The following MICU1 variants were observed in gnomAD, a reference collection of about 807,000 sequenced individuals.
MICU1 encodes the protein mitochondrial calcium uptake 1, also known as calcium uptake protein 1, mitochondrial.
A neutral mutation model predicts 56.8 loss-of-function variants in MICU1; 45 were observed. The ratio of observed to expected loss-of-function variants is 0.79; its 90% CI spans 0.62 to 1.02. The LOEUF (loss-of-function observed/expected upper bound fraction) is 1.02, where lower values mean the gene tolerates loss of function less well. MICU1 is among the 50% of genes least tolerant of loss of function. The probability of loss-of-function intolerance (pLI) is 0.00; values close to 1 mark genes in which losing one functional copy is unlikely to be tolerated. For missense variants in MICU1, 504 were observed against 587.1 expected (o/e 0.86, Z 1.46); for synonymous variants, 186 against 195.1 (o/e 0.95, Z 0.39).
At chr10:72,462,995 CAT>C (rs1168893545) in intron 8 of MICU1, among the ~76,000 whole-genome samples, 1 of 151,710 alleles carries the variant, frequency 6.6e-6, no homozygotes, top group East Asian at 1.9e-4. Context: ...GCATCACTAA[CAT>C]ATCATTGACT....
chr10:72,537,395 T>C (rs976891803), intron 4 of MICU1, among the ~76,000 whole-genome samples: 3 of 152,064 alleles, frequency 2.0e-5, no homozygotes, highest in Non-Finnish European at 2.9e-5. Flanking sequence ...GGAGAAAAAA[T>C]AGCATGTGTA....
chr10:72,419,051 A>G (rs1864074842), intron 9 of MICU1, among the ~76,000 whole-genome samples: 1 of 152,186 alleles, frequency 6.6e-6, no homozygotes, highest in Non-Finnish European at 1.5e-5. Context: ...AACTCCTGCC[A>G]ATGCTCAAAT....
intron 3 of MICU1, 148 bp downstream of exon 3, chr10:72,562,747 T>C (rs1204524160): frequency 4.7e-6 from 3 of 641,254 alleles, no homozygotes; most frequent in East Asian, 3.3e-5. Flanking sequence ...CAAGAGTACT[T>C]TTGGCTTAGA....
intron 5 of MICU1, chr10:72,532,946 T>G (rs1189528286): frequency 8.2e-7 from 1 of 1,213,814 alleles, no homozygotes; most frequent in Non-Finnish European, 1.0e-6. Context: ...AAAATCAGTT[T>G]TTACTAACCC....
chr10:72,547,041 G>A (rs1034905419), intron 4 of MICU1, among the ~76,000 whole-genome samples: 87 of 152,066 alleles, frequency 5.7e-4, no homozygotes, highest in African/African-American at 2.0e-3. Flanking sequence ...ACAGGCGCTC[G>A]CCACCATGTC....
intron 3 of MICU1, among the ~76,000 whole-genome samples, chr10:72,554,202 T>C (rs926462524): frequency 3.3e-5 from 5 of 152,208 alleles, no homozygotes; most frequent in African/African-American, 9.6e-5. Context: ...TGTCTGTTTA[T>C]AAAATATTCC....
chr10:72,520,477 A>G (rs1867784680), intron 5 of MICU1, among the ~76,000 whole-genome samples: 1 of 152,148 alleles, frequency 6.6e-6, no homozygotes, highest in Non-Finnish European at 1.5e-5. Flanking sequence ...TTCTGACTCA[A>G]ATTTTCTTCT....
chr10:72,569,233 ATATAT>A (rs1171480668), intron 1 of MICU1, among the ~76,000 whole-genome samples: 3 of 40,338 alleles, frequency 7.4e-5, no homozygotes, highest in Non-Finnish European at 1.0e-4. Context: ...ATATATATAT[ATATAT>A]TTTTTTTTTT....
chr10:72,465,872 T>TCA (rs1430911410), intron 8 of MICU1, among the ~76,000 whole-genome samples: 1 of 152,156 alleles, frequency 6.6e-6, no homozygotes, highest in Non-Finnish European at 1.5e-5. Flanking sequence ...TAAGCACTTA[T>TCA]CACACACTGT....
intron 1 of MICU1, among the ~76,000 whole-genome samples, chr10:72,618,499 C>T (rs950528934): frequency 6.6e-5 from 10 of 151,806 alleles, no homozygotes; most frequent in South Asian, 4.2e-4. Context: ...AAATCAAATT[C>T]GAAGATTGCT....
At chr10:72,539,462 G>A (rs1839714740) in intron 4 of MICU1, among the ~76,000 whole-genome samples, 1 of 151,938 alleles carries the variant, frequency 6.6e-6, no homozygotes, top group African/African-American at 2.4e-5. Context: ...ACAAAGATGT[G>A]GAAATCAAGC....
intron 3 of MICU1, among the ~76,000 whole-genome samples, chr10:72,552,135 AC>A (rs2132446179): frequency 1.3e-5 from 2 of 152,350 alleles, no homozygotes; most frequent in Admixed American, 1.3e-4. Context: ...GTCTGAAGCA[AC>A]AGATTTTTGA....
At chr10:72,460,113 C>G (rs1220528717) in intron 8 of MICU1, among the ~76,000 whole-genome samples, 2 of 152,200 alleles carry the variant, frequency 1.3e-5, no homozygotes, top group Non-Finnish European at 2.9e-5. Context: ...TCACTTTATA[C>G]CTTTCAATGG....
intron 10 of MICU1, among the ~76,000 whole-genome samples, chr10:72,389,802 T>G (rs895346070): frequency 2.0e-5 from 3 of 152,186 alleles, no homozygotes; most frequent in African/African-American, 7.2e-5. Context: ...ACTCTAGAGC[T>G]CCAGCTCAAA....
intron 10 of MICU1, among the ~76,000 whole-genome samples, chr10:72,401,636 A>G (rs1360513591): frequency 6.6e-6 from 1 of 152,242 alleles, no homozygotes; most frequent in Non-Finnish European, 1.5e-5. Context: ...CCTGGGCAAC[A>G]GAGTGAGACC....
At chr10:72,422,415 G>A (rs1864204836) in intron 9 of MICU1, among the ~76,000 whole-genome samples, 1 of 152,224 alleles carries the variant, frequency 6.6e-6, no homozygotes, top group African/African-American at 2.4e-5. Flanking sequence ...AGAAGCCCCA[G>A]TAGGCTAATA....
intron 6 of MICU1, among the ~76,000 whole-genome samples, chr10:72,483,079 C>A (rs1369218880): frequency 6.6e-6 from 1 of 152,064 alleles, no homozygotes; most frequent in African/African-American, 2.4e-5. Flanking sequence ...TGGTCTCGAA[C>A]TCCTGACCTC....
chr10:72,509,157 T>C (rs1421308853), intron 5 of MICU1, among the ~76,000 whole-genome samples: 1 of 152,200 alleles, frequency 6.6e-6, no homozygotes, highest in East Asian at 1.9e-4. Flanking sequence ...CACCAAAAAG[T>C]TAGACTTGAA....
intron 8 of MICU1, among the ~76,000 whole-genome samples, chr10:72,457,062 G>A (rs979129158): frequency 6.6e-5 from 10 of 151,164 alleles, no homozygotes; most frequent in Admixed American, 6.6e-5. Flanking sequence ...GGGCCCAAGC[G>A]ATCCTTCTGC....
Sources: gnomAD v4.1 joint callset for allele counts (sites outside exome capture counted in the v4.1 genomes callset) on GRCh38, gnomAD v4.1.1 for gene constraint, MANE v1.5 for transcripts, NCBI Gene and HGNC (gene_info 2026-07-23, HGNC 2026-07-21) for gene names.